DACH1: variants seen among roughly 807,000 people sequenced by gnomAD.
DACH1 encodes the protein dachshund homolog 1.
A neutral mutation model predicts 54.2 loss-of-function variants in DACH1; 12 were observed. The ratio of observed to expected loss-of-function variants is 0.22; its 90% CI spans 0.14 to 0.36. The LOEUF (loss-of-function observed/expected upper bound fraction) is 0.36, where lower values mean the gene tolerates loss of function less well. Ranked by LOEUF, DACH1 falls within the 10% of genes least tolerant of loss-of-function variation. DACH1 has a pLI of 1.00. For synonymous variants in DACH1, 386 were observed against 366.2 expected, an observed-to-expected ratio of 1.05 and a Z score of -0.62; for missense variants, 805 against 929.8, an observed-to-expected ratio of 0.87 and a Z score of 1.75.
At chr13:71,447,789 C>T (rs944522169) in intron 10 of DACH1, among the ~76,000 whole-genome samples, 17 of 150,030 alleles carry the variant, frequency 1.1e-4, no homozygotes, top group Non-Finnish European at 2.1e-4. Flanking sequence ...GCCAAGATTG[C>T]GCCACCACAC....
intron 6 of DACH1, among the ~76,000 whole-genome samples, chr13:71,511,838 CAGA>C (rs1880798671): frequency 6.6e-6 from 1 of 151,876 alleles, no homozygotes; most frequent in South Asian, 2.1e-4. Flanking sequence ...TTTGTTTCAG[CAGA>C]AGGAGTAATA....
At chr13:71,620,626 TTTA>T (rs1237347170) in intron 3 of DACH1, among the ~76,000 whole-genome samples, 3 of 152,006 alleles carry the variant, frequency 2.0e-5, no homozygotes, top group East Asian at 1.9e-4. Context: ...TTTACATTTG[TTTA>T]TTAATTTACA....
chr13:71,613,005 G>C (rs552799872), intron 3 of DACH1, among the ~76,000 whole-genome samples: 1 of 152,336 alleles, frequency 6.6e-6, no homozygotes, highest in East Asian at 1.9e-4. Context: ...GTCTCAGGAA[G>C]GACGATGGTT....
chr13:71,559,996 A>C lies in DACH1; in HGVS notation c.1300-41T>G, dbSNP rs1005798991. 2.8e-6 allele frequency: 4 copies of C among 1,452,190 alleles called. No individual in the cohort carries two copies. The Admixed American group carries it at 1.2e-4, about 43-fold the overall frequency. 90.0% of individuals were successfully genotyped at this position (1,452,190 alleles called of 1,614,324 possible). A position where few individuals can be genotyped will look rare whatever the true frequency, so the allele number is the denominator to read the frequency against. On this transcript the variant is annotated intron_variant, in intron 4 of 10. Coordinates refer to ENST00000613252, the MANE Select transcript of DACH1 (RefSeq NM_080759.6). ...AGGGAAGGAGGGTAGAAAAGATGTTAAATACAACGGATCTTTACTTAATGA... is the reference window on the plus strand; with the variant it reads ...AGGGAAGGAGGGTAGAAAAGATGTTCAATACAACGGATCTTTACTTAATGA...
chr13:71,553,708 A>C (rs550363177), intron 6 of DACH1, among the ~76,000 whole-genome samples: 2 of 148,440 alleles, frequency 1.3e-5, no homozygotes, highest in African/African-American at 4.9e-5. Flanking sequence ...CCCTAAGCTC[A>C]AAACCTTATG....
chr13:71,770,814 C>T (rs114925406), intron 1 of DACH1, among the ~76,000 whole-genome samples: 1 of 151,444 alleles, frequency 6.6e-6, no homozygotes, highest in African/African-American at 2.4e-5. Flanking sequence ...GGCAACAAAA[C>T]TATGTACAGA....
chr13:71,782,170 G>A (rs974796352), intron 1 of DACH1, among the ~76,000 whole-genome samples: 9 of 152,260 alleles, frequency 5.9e-5, no homozygotes, highest in Middle Eastern at 3.4e-3. Flanking sequence ...GCTGGGCCTG[G>A]TGGCTGACAC....
chr13:71,664,533 G>A (rs933687415), intron 2 of DACH1, among the ~76,000 whole-genome samples: 6 of 151,950 alleles, frequency 3.9e-5, no homozygotes, highest in African/African-American at 1.4e-4. Context: ...TGCAATGCAA[G>A]GGGGGAATGA....
At chr13:71,668,812 C>A (rs957384587) in intron 2 of DACH1, among the ~76,000 whole-genome samples, 5 of 151,988 alleles carry the variant, frequency 3.3e-5, no homozygotes, top group Non-Finnish European at 5.9e-5. Flanking sequence ...GTAATCCCAG[C>A]TACTCCAGAG....
At chr13:71,796,248 A>C (rs1887045810) in intron 1 of DACH1, among the ~76,000 whole-genome samples, 1 of 152,140 alleles carries the variant, frequency 6.6e-6, no homozygotes, top group Admixed American at 6.5e-5. Context: ...TATCATTAAA[A>C]CTTAAAGGTT....
At chr13:71,814,206 G>C (rs1163852473) in intron 1 of DACH1, among the ~76,000 whole-genome samples, 1 of 152,160 alleles carries the variant, frequency 6.6e-6, no homozygotes, top group African/African-American at 2.4e-5. Context: ...ATGACCTTTA[G>C]TGAATGAAAC....
At chr13:71,865,275 C>T (rs1325340) in intron 1 of DACH1, among the ~76,000 whole-genome samples, 133,302 of 152,130 alleles carry the variant, frequency 0.88, 59,691 homozygotes, top group Middle Eastern at 0.98. Flanking sequence ...TCCCCGGAGC[C>T]CATCCCCCGG....
intron 2 of DACH1, 105 bp from the exon 3 acceptor site, chr13:71,630,822 A>C: frequency 2.3e-6 from 3 of 1,292,998 alleles, no homozygotes; most frequent in Non-Finnish European, 3.0e-6. Flanking sequence ...AGAGTATCTG[A>C]TTCCTTTATG....
intron 6 of DACH1, among the ~76,000 whole-genome samples, chr13:71,501,899 T>C (rs1187356380): frequency 6.6e-6 from 1 of 152,148 alleles, no homozygotes; most frequent in African/African-American, 2.4e-5. Context: ...GTTATACTTA[T>C]TTTACACATT....
chr13:71,627,464 AC>A (rs1382803212), intron 3 of DACH1, among the ~76,000 whole-genome samples: 1 of 152,046 alleles, frequency 6.6e-6, no homozygotes, highest in African/African-American at 2.4e-5. Flanking sequence ...TAGCAACAAT[AC>A]ATCATTTAAG....
chr13:71,802,559 TC>T (rs1887330568), intron 1 of DACH1, among the ~76,000 whole-genome samples: 1 of 151,960 alleles, frequency 6.6e-6, no homozygotes, highest in Non-Finnish European at 1.5e-5. Flanking sequence ...TATGTGTAAA[TC>T]TTCCATCCAG....
chr13:71,497,708 T>A (rs1272718617), intron 6 of DACH1, among the ~76,000 whole-genome samples: 1 of 151,974 alleles, frequency 6.6e-6, no homozygotes, highest in Non-Finnish European at 1.5e-5. Context: ...GAAAGAATTA[T>A]TACTGTATAC....
chr13:71,638,683 A>AAT (rs1415982057), intron 2 of DACH1, among the ~76,000 whole-genome samples: 1 of 152,188 alleles, frequency 6.6e-6, no homozygotes, highest in Non-Finnish European at 1.5e-5. Flanking sequence ...CAACCAGAGC[A>AAT]ATATAACCAA....
At chr13:71,849,393 C>T (rs1873512652) in intron 1 of DACH1, among the ~76,000 whole-genome samples, 2 of 152,170 alleles carry the variant, frequency 1.3e-5, no homozygotes, top group African/African-American at 2.4e-5. Context: ...GGGCAAGAGA[C>T]CTGCCGTTAC....
Sources: gnomAD v4.1 joint callset for allele counts (sites outside exome capture counted in the v4.1 genomes callset) on GRCh38, gnomAD v4.1.1 for gene constraint, MANE v1.5 for transcripts, NCBI Gene and HGNC (gene_info 2026-07-23, HGNC 2026-07-21) for gene names.